Variants in WSCD1 observed in about 807,000 individuals in gnomAD.
WSCD1 encodes the protein sialate:O-sulfotransferase 1.
Under a neutral mutation model 60.4 loss-of-function variants are expected in WSCD1, and 41 were observed. The ratio of observed to expected loss-of-function variants is 0.68; its 90% CI spans 0.53 to 0.88. The LOEUF is 0.88. WSCD1 is among the 40% of genes least tolerant of loss of function. The probability of loss-of-function intolerance (pLI) is 0.00; values close to 1 mark genes in which losing one functional copy is unlikely to be tolerated. For missense variants in WSCD1, 784 were observed against 796.2 expected, an observed-to-expected ratio of 0.98 and a Z score of 0.18; for synonymous variants, 361 against 332.5, an observed-to-expected ratio of 1.09 and a Z score of -0.93.
At position 6,103,178 on chromosome 17, in the gene WSCD1, T is replaced by C. The variant is rs146701911; in HGVS notation, c.850-6429T>C. Reference sequence around the variant, plus strand: ...TGGGATGGGTGGAGATGAAAGTGCCTCACCAGACTGTGATGAGGATTCAGT... The same window carrying C: ...TGGGATGGGTGGAGATGAAAGTGCCCCACCAGACTGTGATGAGGATTCAGT... On this transcript the variant is annotated intron_variant, in intron 5 of 8. Coordinates refer to ENST00000317744, the MANE Select transcript of WSCD1 (RefSeq NM_015253.2). 3.7e-3 allele frequency among the ~76,000 whole-genome samples: 570 copies of C among 152,292 alleles called. 2 individuals carry two copies. Among genetic ancestry groups the C allele is most frequent in the African/African-American group, 0.013 (547 of 41,562 alleles).
Position 6,121,226 on chromosome 17 carries a change from G to C in WSCD1, c.*565G>C, listed in dbSNP as rs1034330410. 4.5e-5 allele frequency: 7 copies of C among 154,944 alleles called. No homozygotes were observed. The highest frequency in any genetic ancestry group is 1.4e-4 in the African/African-American group (6 of 41,476). 9.6% of individuals were successfully genotyped at this position (154,944 alleles called of 1,614,324 possible). ...GGGCACAAAGACTGCTGCTTCCAGG[G>C]TGTGCGGCCCTGGCCGTGTGTCTGA... On this transcript the variant is annotated 3_prime_UTR_variant, in exon 9 of 9. Transcript: ENST00000317744.
chr17:6,105,270 T>C (rs897036495), intron 5 of WSCD1, among the ~76,000 whole-genome samples: 10 of 152,216 alleles, frequency 6.6e-5, no homozygotes, highest in African/African-American at 1.9e-4. Flanking sequence ...CATATCTTTC[T>C]GCCCTCGGAC....
chr17:6,123,304 T>C lies in WSCD1; in HGVS notation c.*2643T>C, dbSNP rs1052395392. 4 of 152,350 alleles carry C rather than the reference T, an allele frequency of 2.6e-5. No homozygotes were observed. Among genetic ancestry groups the C allele is most frequent in the Non-Finnish European group, 5.9e-5 (4 of 68,030 alleles). The allele number at this position is 152,350 out of a possible 1,614,324, so 9.4% of individuals were successfully genotyped here. The stretch of plus-strand genomic sequence containing the variant: ...CCTGTGTTAAAACATGTAATTTTTA[T>C]GGATTTCATCTCCCGTTGTGGATCA... On this transcript the variant is annotated 3_prime_UTR_variant, in exon 9 of 9. Coordinates refer to ENST00000317744, the MANE Select transcript of WSCD1 (RefSeq NM_015253.2).
chr17:6,090,554 T>C, intron 4 of WSCD1, 49 bp downstream of exon 4: 2 of 1,592,060 alleles, frequency 1.3e-6, no homozygotes, highest in Non-Finnish European at 8.5e-7. Flanking sequence ...TCCCACCCGC[T>C]CTGGCTGCCC....
chr17:6,088,251 A>C, intron 3 of WSCD1, 147 bp downstream of exon 3: 1 of 718,874 alleles, frequency 1.4e-6, no homozygotes, highest in East Asian at 2.9e-5. Context: ...GAAGAAAGGA[A>C]GTTTGTTGGC....
In WSCD1 at chr17:6,070,506, CG is replaced by C. The variant is rs1306832699; in HGVS notation, c.-434del. The C allele has an allele frequency of 1.4e-5, 2 of 147,146 alleles. No homozygotes were observed. The highest frequency in any genetic ancestry group is 4.9e-5 in the African/African-American group (2 of 40,930). The allele number at this position is 147,146 out of a possible 1,614,324, so 9.1% of individuals were successfully genotyped here. A position where few individuals can be genotyped will look rare whatever the true frequency, so the allele number is the denominator to read the frequency against. ...GGCGGCGGCGCCCTGTGCCCGGGCG[CG>C]TGGGTCCGCTTGCCGCGGGCGGCCG... On this transcript the variant is annotated 5_prime_UTR_variant, in exon 1 of 9. Transcript: ENST00000317744.
At chr17:6,108,008 G>A (rs903701011) in intron 5 of WSCD1, among the ~76,000 whole-genome samples, 30 of 152,230 alleles carry the variant, frequency 2.0e-4, no homozygotes, top group African/African-American at 6.3e-4. Flanking sequence ...GAGGAGAGTC[G>A]GGAGAGGCTT....
intron 2 of WSCD1, among the ~76,000 whole-genome samples, chr17:6,086,989 T>G (rs1317910196): frequency 6.6e-6 from 1 of 152,194 alleles, no homozygotes; most frequent in Non-Finnish European, 1.5e-5. Context: ...GTGACATGAA[T>G]GAGCGGAACG....
intron 2 of WSCD1, among the ~76,000 whole-genome samples, chr17:6,084,625 TAA>T (rs1413326384): frequency 5.3e-5 from 8 of 152,268 alleles, no homozygotes; most frequent in South Asian, 4.1e-4. Flanking sequence ...GGAAAAATAG[TAA>T]CTTCTCCATA....
chr17:6,114,558 A>C (rs1464253785), intron 7 of WSCD1, among the ~76,000 whole-genome samples: 2 of 152,138 alleles, frequency 1.3e-5, no homozygotes, highest in Non-Finnish European at 2.9e-5. Flanking sequence ...TATCCTAATT[A>C]CTTTGATTTG....
At chr17:6,100,308 G>A (rs1431314387) in intron 5 of WSCD1, among the ~76,000 whole-genome samples, 1 of 152,192 alleles carries the variant, frequency 6.6e-6, no homozygotes, top group Non-Finnish European at 1.5e-5. Flanking sequence ...ATTTCTCAGG[G>A]GTACCCTCAG....
Position 6,120,479 on chromosome 17 carries a change from C to T in WSCD1, c.1546C>T (p.Arg516Trp), listed in dbSNP as rs377198405. The part of the protein sequence containing the change: ...AFLNVSVSEE[R>W]LLCVENNKEG... ...CCTCAACGTGTCTGTGAGCGAGGAG[C>T]GGCTGCTCTGCGTGGAGAACAACAA... Residue 516 changes from arginine (R) to tryptophan (W), a missense_variant, in exon 9 of 9, where the codon CGG becomes TGG. By Grantham distance (101) the Arg-to-Trp change is moderately radical. Coordinates refer to ENST00000317744, the MANE Select transcript of WSCD1 (RefSeq NM_015253.2). 7.4e-6 allele frequency: 12 copies of T among 1,613,986 alleles called. No individual in the cohort carries two copies. The highest frequency in any genetic ancestry group is 1.3e-5 in the African/African-American group (1 of 75,064).
At chr17:6,108,997 C>T (rs908419737) in intron 5 of WSCD1, among the ~76,000 whole-genome samples, 7 of 152,234 alleles carry the variant, frequency 4.6e-5, no homozygotes, top group East Asian at 1.9e-4. Flanking sequence ...AGAATCTCTG[C>T]ACCCTGCAGT....
intron 5 of WSCD1, among the ~76,000 whole-genome samples, chr17:6,100,480 C>T (rs758675622): frequency 3.3e-5 from 5 of 152,254 alleles, no homozygotes; most frequent in African/African-American, 4.8e-5. Context: ...TCCATCCATT[C>T]TCGCTTGTCT....
rs1023476792 is a variant in WSCD1 at position 6,120,585 on chromosome 17, G to A, written c.1652G>A (p.Gly551Asp). The change falls in exon 9 of 9, where the codon GGC becomes GAC. Residue 551 changes from glycine to aspartate, a missense_variant. Physicochemically the swap from Gly to Asp is moderately conservative, Grantham distance 94. Coordinates refer to ENST00000317744, the MANE Select transcript of WSCD1 (RefSeq NM_015253.2). ...CCGGAGATGAAAGACTTGATCAATGGCTACATCCGGACGGTGGACCAAGCC... is the reference window on the plus strand; with the variant it reads ...CCGGAGATGAAAGACTTGATCAATGACTACATCCGGACGGTGGACCAAGCC... ...FTPEMKDLINGYIRTVDQALR... is the reference protein window; with the variant it reads ...FTPEMKDLINDYIRTVDQALR... 1.2e-6 allele frequency: 2 copies of A among 1,613,656 alleles called. No individual in the cohort carries two copies. The highest frequency in any genetic ancestry group is 1.7e-6 in the Non-Finnish European group (2 of 1,179,998).
chr17:6,109,715 G>A lies in WSCD1; in HGVS notation c.958G>A (p.Glu320Lys), dbSNP rs1911299188. ...MDSSVCGQDP[E>K]AQRLAEYCEV... is the part of the protein sequence containing the mutation. The stretch of plus-strand genomic sequence containing the variant: ...CAGCTCAGTATGTGGCCAGGACCCT[G>A]AGGCACAGAGGCTGGCAGAATACTG... Residue 320 changes from glutamate (E) to lysine (K), a missense_variant, in exon 6 of 9, where the codon GAG becomes AAG. By Grantham distance (56) the Glu-to-Lys change is moderately conservative. Transcript: ENST00000317744. 1 of 1,614,144 alleles carries A rather than the reference G, an allele frequency of 6.2e-7. No individual in the cohort carries two copies.
intron 3 of WSCD1, among the ~76,000 whole-genome samples, chr17:6,088,786 C>CTTTT (rs35155693): frequency 1.8e-4 from 25 of 139,526 alleles, no homozygotes; most frequent in Middle Eastern, 7.3e-3. Context: ...TTTTTTTCAC[C>CTTTT]TTTTTTTTTT....
chr17:6,100,943 T>A (rs1225356233), intron 5 of WSCD1, among the ~76,000 whole-genome samples: 1 of 152,196 alleles, frequency 6.6e-6, no homozygotes, highest in African/African-American at 2.4e-5. Context: ...AAATTCTCCC[T>A]CTAGTATTGA....
chr17:6,116,400 T>TCA (rs33955613), intron 7 of WSCD1, among the ~76,000 whole-genome samples: 4,903 of 150,586 alleles, frequency 0.033, 171 homozygotes, highest in African/African-American at 0.081. Flanking sequence ...GACAGAGTGA[T>TCA]CACACACACA....
Sources: allele counts gnomAD v4.1 joint callset (sites outside exome capture counted in the v4.1 genomes callset), GRCh38; gene constraint gnomAD v4.1.1; transcripts MANE v1.5; gene names NCBI Gene and HGNC (gene_info 2026-07-23, HGNC 2026-07-21).